Variants in TMTC2 observed in about 807,000 individuals in gnomAD.
TMTC2 encodes protein O-mannosyl-transferase TMTC2.
A neutral mutation model predicts 82.4 loss-of-function variants in TMTC2; 43 were observed. The ratio of observed to expected loss-of-function variants is 0.52; its 90% CI spans 0.41 to 0.67. The LOEUF (loss-of-function observed/expected upper bound fraction) is 0.67. Among genes scored for constraint, TMTC2 ranks in the 30% least tolerant of loss-of-function variants. The pLI is 0.00. For missense variants in TMTC2, 919 were observed against 1,012.4 expected, an observed-to-expected ratio of 0.91 and a Z score of 1.25; for synonymous variants, 408 against 381.9, an observed-to-expected ratio of 1.07 and a Z score of -0.80.
rs1565818053 is a variant in TMTC2 at position 82,937,732 on chromosome 12, G to GTGTGTGGA, written c.1598+7193_1598+7194insGATGTGTG. Reference sequence around the variant, plus strand: ...TGTGTGTGTGTGTGTGTGTGTGGATGTGTGTGTGTGTGTGTGTGTATATAT... The same window carrying GTGTGTGGA: ...TGTGTGTGTGTGTGTGTGTGTGGATGTGTGTGGATGTGTGTGTGTGTGTGTGTATATAT... On this transcript the variant is annotated intron_variant, in intron 4 of 11. Coordinates refer to ENST00000321196, the MANE Select transcript of TMTC2 (RefSeq NM_152588.3). 8.6e-3 allele frequency among the ~76,000 whole-genome samples: 232 copies of GTGTGTGGA among 27,018 alleles called. 3 individuals carry two copies. Among genetic ancestry groups the GTGTGTGGA allele is most frequent in the African/African-American group, 0.019 (213 of 11,308 alleles). 17.7% of individuals were successfully genotyped at this position (27,018 alleles called of 152,430 possible).
intron 8 of TMTC2, among the ~76,000 whole-genome samples, chr12:83,014,706 TA>T (rs1880598576): frequency 7.4e-6 from 1 of 135,140 alleles, no homozygotes; most frequent in Non-Finnish European, 1.6e-5. Context: ...GATTTAGGTA[TA>T]AAAGGTCTAG....
At chr12:83,085,283 C>A (rs1327178701) in intron 11 of TMTC2, among the ~76,000 whole-genome samples, 2 of 152,162 alleles carry the variant, frequency 1.3e-5, no homozygotes, top group Non-Finnish European at 2.9e-5. Flanking sequence ...TTCTGACTTC[C>A]CGTGACAGAT....
In TMTC2 at chr12:82,846,547, G is replaced by A. The variant is rs577594685; in HGVS notation, c.84-10463G>A. Among the ~76,000 whole-genome samples, 3 of 152,126 alleles carry A rather than the reference G, an allele frequency of 2.0e-5. No individual in the cohort carries two copies. The East Asian group carries it at 5.8e-4, about 29-fold the overall frequency. On this transcript the variant is annotated intron_variant, in intron 1 of 11. Transcript: ENST00000321196. Reference sequence around the variant, plus strand: ...ACTTTTCTTTTTTCTTAGGGGCCTAGGGTTAGGGAGGTATATCTTGCTGTG... The same window carrying A: ...ACTTTTCTTTTTTCTTAGGGGCCTAAGGTTAGGGAGGTATATCTTGCTGTG...
At chr12:82,820,369 T>C (rs894697336) in intron 1 of TMTC2, among the ~76,000 whole-genome samples, 1 of 151,920 alleles carries the variant, frequency 6.6e-6, no homozygotes, top group African/African-American at 2.4e-5. Context: ...TCCTTCTTTT[T>C]CTTTTCTCTT....
chr12:82,879,364 C>G (rs1872719711), intron 2 of TMTC2, among the ~76,000 whole-genome samples: 1 of 152,192 alleles, frequency 6.6e-6, no homozygotes, highest in South Asian at 2.1e-4. Flanking sequence ...ACTGTTCCAC[C>G]TTAAATCATC....
chr12:83,071,084 C>A (rs927664758), intron 11 of TMTC2, among the ~76,000 whole-genome samples: 1 of 151,380 alleles, frequency 6.6e-6, no homozygotes, highest in African/African-American at 2.4e-5. Context: ...TTGTTGGATT[C>A]AGTTAGCTAG....
rs1262095437 is a variant in TMTC2 at position 83,050,892 on chromosome 12, T to C, written c.2153-12T>C. 6.3e-7 allele frequency: 1 copy of C among 1,597,984 alleles called. No homozygotes were observed. The highest frequency in any genetic ancestry group is 8.5e-7 in the Non-Finnish European group (1 of 1,170,536). The stretch of plus-strand genomic sequence containing the variant: ...TTCTGAGTTGAAGCTCACTGGTTTT[T>C]ATACTTTTCAGGTCAGTTTCTTCTG... On this transcript the variant is annotated splice_polypyrimidine_tract_variant and intron_variant, in intron 9 of 11. Coordinates refer to ENST00000321196, the MANE Select transcript of TMTC2 (RefSeq NM_152588.3).
At chr12:82,915,770 A>T (rs1874965825) in intron 3 of TMTC2, among the ~76,000 whole-genome samples, 1 of 152,240 alleles carries the variant, frequency 6.6e-6, no homozygotes, top group African/African-American at 2.4e-5. Flanking sequence ...ATTGTGTTAG[A>T]AGCAAGCTGT....
Position 83,032,257 on chromosome 12 carries a change from T to TTATATATA in TMTC2, c.2152+1409_2152+1416dup, listed in dbSNP as rs57604518. Among the ~76,000 whole-genome samples, 1,227 of 130,468 alleles carry TTATATATA rather than the reference T, an allele frequency of 9.4e-3. 25 individuals are homozygous for TTATATATA. Among genetic ancestry groups the TTATATATA allele is most frequent in the African/African-American group, 0.016 (535 of 33,884 alleles). The allele number at this position is 130,468 out of a possible 152,430, so 85.6% of individuals were successfully genotyped here. A position where few individuals can be genotyped will look rare whatever the true frequency, so the allele number is the denominator to read the frequency against. On this transcript the variant is annotated intron_variant, in intron 9 of 11. Transcript: ENST00000321196. ...TTCCTATAATATTATAGAGAATATTTTATATATATATATATATATATATAT... is the reference window on the plus strand; with the variant it reads ...TTCCTATAATATTATAGAGAATATTTTATATATATATATATATATATATATATATATAT...
At chr12:82,941,480 G>T (rs1010396971) in intron 4 of TMTC2, among the ~76,000 whole-genome samples, 4 of 152,166 alleles carry the variant, frequency 2.6e-5, no homozygotes, top group Admixed American at 6.5e-5. Context: ...ATAAACTAAT[G>T]AGTAATCTAA....
intron 11 of TMTC2, among the ~76,000 whole-genome samples, chr12:83,066,651 A>G (rs1187952611): frequency 6.6e-6 from 1 of 152,016 alleles, no homozygotes; most frequent in Non-Finnish European, 1.5e-5. Context: ...GGCATAAGGT[A>G]GTGAAACTAA....
chr12:82,817,675 A>C (rs1029681409), intron 1 of TMTC2, among the ~76,000 whole-genome samples: 1 of 152,190 alleles, frequency 6.6e-6, no homozygotes, highest in Non-Finnish European at 1.5e-5. Flanking sequence ...CCTCAGTAAG[A>C]GAAAGCACAG....
intron 1 of TMTC2, among the ~76,000 whole-genome samples, chr12:82,837,319 G>A (rs116200665): frequency 0.013 from 2,049 of 152,172 alleles, 42 homozygotes; most frequent in African/African-American, 0.047. Context: ...CAATAAATGT[G>A]TACAATGGCT....
In TMTC2 at chr12:83,133,971, C is replaced by T. The variant is rs1885350983; in HGVS notation, c.*1582C>T. The T allele has an allele frequency of 1.3e-5, 2 of 152,494 alleles. No homozygotes were observed. The highest frequency in any genetic ancestry group is 4.1e-4 in the South Asian group (2 of 4,830). The allele number at this position is 152,494 out of a possible 1,614,324, so 9.4% of individuals were successfully genotyped here. On this transcript the variant is annotated 3_prime_UTR_variant, in exon 12 of 12. Coordinates refer to ENST00000321196, the MANE Select transcript of TMTC2 (RefSeq NM_152588.3). ...TAAAAAGAAGCTGGACATGCAAATACATCATATTATGTTTTCTCCATATTT... is the reference window on the plus strand; with the variant it reads ...TAAAAAGAAGCTGGACATGCAAATATATCATATTATGTTTTCTCCATATTT...
chr12:82,981,878 C>G (rs1299444825), intron 7 of TMTC2, among the ~76,000 whole-genome samples: 1 of 151,844 alleles, frequency 6.6e-6, no homozygotes, highest in Non-Finnish European at 1.5e-5. Flanking sequence ...ACTAAATGCA[C>G]TGATGGTACT....
At chr12:82,965,176 C>A in intron 5 of TMTC2, 67 bp downstream of exon 5, 2 of 1,217,136 alleles carry the variant, frequency 1.6e-6, no homozygotes. Context: ...CTCTAATTTA[C>A]AGCCTCACTG....
intron 3 of TMTC2, among the ~76,000 whole-genome samples, chr12:82,900,562 G>A (rs1873930156): frequency 1.5e-5 from 2 of 133,132 alleles, no homozygotes; most frequent in South Asian, 2.4e-4. Flanking sequence ...TAGATATGTA[G>A]GAATGTATAT....
intron 1 of TMTC2, among the ~76,000 whole-genome samples, chr12:82,745,272 T>TG (rs1464674346): frequency 6.6e-6 from 1 of 152,172 alleles, no homozygotes; most frequent in East Asian, 1.9e-4. Context: ...GTTCTGGAGA[T>TG]GGACAGATAA....
intron 1 of TMTC2, among the ~76,000 whole-genome samples, chr12:82,835,976 CT>C (rs1164728350): frequency 6.6e-6 from 1 of 152,206 alleles, no homozygotes; most frequent in African/African-American, 2.4e-5. Context: ...AATATCACCC[CT>C]GGGTATAACA....
Sources: allele counts gnomAD v4.1 joint callset (sites outside exome capture counted in the v4.1 genomes callset), GRCh38; gene constraint gnomAD v4.1.1; transcripts MANE v1.5; gene names NCBI Gene and HGNC (gene_info 2026-07-23, HGNC 2026-07-21).